The following GNB4 variants were observed in gnomAD, a reference collection of about 807,000 sequenced individuals.
GNB4 encodes the protein G protein subunit beta 4, also known as guanine nucleotide-binding protein subunit beta-4.
A neutral mutation model predicts 45.2 loss-of-function variants in GNB4; 28 were observed. The observed-to-expected ratio is 0.62, with a 90% CI of 0.46 to 0.85. The LOEUF (loss-of-function observed/expected upper bound fraction) is 0.85. Among genes scored for constraint, GNB4 ranks in the 40% least tolerant of loss-of-function variants. The pLI is 0.00. For synonymous variants in GNB4, 132 were observed against 143.7 expected (o/e 0.92, Z 0.58); for missense variants, 321 against 425.4 (o/e 0.75, Z 2.16).
chr3:179,500,753 T>C, the GNB4 span, among the ~76,000 whole-genome samples: 1 of 152,236 alleles, frequency 6.6e-6, no homozygotes, highest in African/African-American at 2.4e-5. Flanking sequence ...TCCTCTCTTA[T>C]TTCTTTGAGC....
intron 1 of GNB4, among the ~76,000 whole-genome samples, chr3:179,429,766 C>G (rs760596550): frequency 2.4e-4 from 36 of 152,198 alleles, no homozygotes; most frequent in Non-Finnish European, 1.0e-4. Flanking sequence ...TGGGGCATAT[C>G]AGTTCTACTA....
intron 2 of GNB4, among the ~76,000 whole-genome samples, chr3:179,425,005 C>G (rs1715101965): frequency 6.6e-6 from 1 of 152,210 alleles, no homozygotes; most frequent in Admixed American, 6.5e-5. Flanking sequence ...TTATGAGATT[C>G]TCCCTGCTTA....
chr3:179,458,770 T>C, the GNB4 span, among the ~76,000 whole-genome samples: 3,949 of 152,330 alleles, frequency 0.026, 83 homozygotes, highest in Middle Eastern at 0.16. Flanking sequence ...TTATTATTTT[T>C]AATTTTTTTC....
intron 2 of GNB4, among the ~76,000 whole-genome samples, chr3:179,422,727 T>G (rs1192036241): frequency 1.3e-5 from 2 of 152,202 alleles, no homozygotes; most frequent in African/African-American, 2.4e-5. Context: ...TTCTATTATA[T>G]CATGTATTTA....
intron 1 of GNB4, among the ~76,000 whole-genome samples, chr3:179,432,750 G>C (rs1236994809): frequency 6.6e-6 from 1 of 152,204 alleles, no homozygotes; most frequent in African/African-American, 2.4e-5. Flanking sequence ...ATTCAGGGAA[G>C]GGCAGGTTTT....
intron 1 of GNB4, among the ~76,000 whole-genome samples, chr3:179,435,459 C>T (rs1186751140): frequency 1.6e-5 from 2 of 122,446 alleles, no homozygotes; most frequent in Non-Finnish European, 1.7e-5. Context: ...ACACACCATT[C>T]CTTTCTTTTA....
At position 179,422,373 on chromosome 3, in the gene GNB4, T is replaced by A. The variant is rs866132800; in HGVS notation, c.58-1446A>T. On this transcript the variant is annotated intron_variant, in intron 2 of 9. Transcript: ENST00000232564. ...CAGGCGTGATGGCTCATGCCTATAATCCCAGCACTTTGGGAGGCCGAGGAG... is the reference window on the plus strand; with the variant it reads ...CAGGCGTGATGGCTCATGCCTATAAACCCAGCACTTTGGGAGGCCGAGGAG... Among the ~76,000 whole-genome samples, 8 of 151,578 alleles carry A rather than the reference T, an allele frequency of 5.3e-5. No homozygotes were observed. In the South Asian group the frequency reaches 8.3e-4, roughly 16 times the overall value.
the GNB4 span, among the ~76,000 whole-genome samples, chr3:179,504,958 C>T: frequency 6.6e-6 from 1 of 152,148 alleles, no homozygotes; most frequent in Admixed American, 6.5e-5. Flanking sequence ...GTGGGAGATT[C>T]TGGCAGGGAG....
At chr3:179,501,271 G>C in the GNB4 span, among the ~76,000 whole-genome samples, 1 of 150,630 alleles carries the variant, frequency 6.6e-6, no homozygotes, top group Non-Finnish European at 1.5e-5. Flanking sequence ...CTGAATTCCA[G>C]ATCCAGATAC....
At chr3:179,521,271 T>C in the GNB4 span, among the ~76,000 whole-genome samples, 1 of 152,144 alleles carries the variant, frequency 6.6e-6, no homozygotes, top group Non-Finnish European at 1.5e-5. Context: ...AGGCAATTTC[T>C]CTAGCTCTTG....
At chr3:179,507,942 T>G in the GNB4 span, among the ~76,000 whole-genome samples, 4 of 152,208 alleles carry the variant, frequency 2.6e-5, no homozygotes, top group African/African-American at 9.7e-5. Context: ...TTCTGGTGAT[T>G]GATAGACTGT....
At chr3:179,447,821 T>A (rs191254940) in intron 1 of GNB4, among the ~76,000 whole-genome samples, 1 of 152,028 alleles carries the variant, frequency 6.6e-6, no homozygotes, top group African/African-American at 2.4e-5. Context: ...TTAGAATGAG[T>A]GAAATGGGGA....
chr3:179,416,717 T>C (rs1714810497), intron 4 of GNB4, among the ~76,000 whole-genome samples, 161 bp from the exon 5 acceptor site: 1 of 152,202 alleles, frequency 6.6e-6, no homozygotes, highest in Non-Finnish European at 1.5e-5. Context: ...AAATTTATGC[T>C]GCATGCCAAA....
chr3:179,499,143 G>A, the GNB4 span, among the ~76,000 whole-genome samples: 17 of 146,556 alleles, frequency 1.2e-4, no homozygotes, highest in Non-Finnish European at 2.5e-4. Context: ...AGGTGTATAT[G>A]TGCCACATTT....
At chr3:179,421,540 G>C (rs1577032098) in intron 2 of GNB4, among the ~76,000 whole-genome samples, 1 of 152,098 alleles carries the variant, frequency 6.6e-6, no homozygotes, top group Non-Finnish European at 1.5e-5. Flanking sequence ...TTTCCACAAA[G>C]GTTATAGTAG....
At chr3:179,411,435 A>G (rs983935903) in intron 8 of GNB4, among the ~76,000 whole-genome samples, 1 of 151,586 alleles carries the variant, frequency 6.6e-6, no homozygotes, top group Non-Finnish European at 1.5e-5. Context: ...ATATTTACTT[A>G]TATTTGTAAA....
At chr3:179,499,549 C>G in the GNB4 span, among the ~76,000 whole-genome samples, 3 of 152,226 alleles carry the variant, frequency 2.0e-5, no homozygotes, top group African/African-American at 4.8e-5. Flanking sequence ...CTGCAATAAA[C>G]ATACGTGTAC....
chr3:179,495,379 A>T, the GNB4 span, among the ~76,000 whole-genome samples: 1 of 151,932 alleles, frequency 6.6e-6, no homozygotes, highest in Non-Finnish European at 1.5e-5. Flanking sequence ...TGGGGGGCTG[A>T]GGTGGGTGGA....
At chr3:179,515,770 G>C in the GNB4 span, among the ~76,000 whole-genome samples, 4 of 152,226 alleles carry the variant, frequency 2.6e-5, no homozygotes, top group South Asian at 2.1e-4. Flanking sequence ...TTTTCGGGGG[G>C]TGGTATGGAG....
Sources: allele counts gnomAD v4.1 joint callset (sites outside exome capture counted in the v4.1 genomes callset), GRCh38; gene constraint gnomAD v4.1.1; transcripts MANE v1.5; gene names NCBI Gene and HGNC (gene_info 2026-07-23, HGNC 2026-07-21).